MCTP2: variants seen among roughly 807,000 people sequenced by gnomAD.
The protein encoded by MCTP2 is multiple C2 and transmembrane domain containing 2, also known as multiple C2 and transmembrane domain-containing protein 2.
In MCTP2, 132 loss-of-function variants were observed where a neutral mutation model predicts 111.6. The ratio of observed to expected loss-of-function variants is 1.18; its 90% confidence interval spans 1.03 to 1.37. MCTP2 has a LOEUF of 1.37. Ranked by LOEUF, MCTP2 falls within the 40% of genes most tolerant of loss-of-function variation. The probability of loss-of-function intolerance (pLI) is 0.00; values close to 1 mark genes in which losing one functional copy is unlikely to be tolerated. For synonymous variants in MCTP2, 395 were observed against 387.7 expected (o/e 1.02, Z -0.22); for missense variants, 1,183 against 1,067.9 (o/e 1.11, Z -1.50).
chr15:94,285,833 C>T (rs765091997), intron 1 of MCTP2, among the ~76,000 whole-genome samples: 4 of 152,162 alleles, frequency 2.6e-5, no homozygotes, highest in Non-Finnish European at 5.9e-5. Context: ...TAGTCATTAA[C>T]CAGAGAAGAT....
chr15:94,242,607 G>C (rs964362994), intron 1 of MCTP2, among the ~76,000 whole-genome samples: 2 of 151,992 alleles, frequency 1.3e-5, no homozygotes, highest in South Asian at 2.1e-4. Context: ...TTTTGGGCCA[G>C]TAACAATTTT....
At chr15:94,251,960 C>T (rs1255493444) in intron 1 of MCTP2, among the ~76,000 whole-genome samples, 12 of 152,266 alleles carry the variant, frequency 7.9e-5, no homozygotes, top group Admixed American at 3.3e-4. Context: ...TAGCAATTGC[C>T]AGAATTTCCT....
chr15:94,249,547 G>C (rs1241245117), intron 1 of MCTP2, among the ~76,000 whole-genome samples: 2 of 151,110 alleles, frequency 1.3e-5, no homozygotes, highest in Middle Eastern at 3.2e-3. Context: ...GTGCAGTGGC[G>C]CGATCTCAGC....
chr15:94,276,814 C>T (rs1318440322), intron 1 of MCTP2, among the ~76,000 whole-genome samples: 1 of 144,992 alleles, frequency 6.9e-6, no homozygotes, highest in African/African-American at 2.6e-5. Flanking sequence ...CAGCACTTGT[C>T]CATCTTAAGA....
At chr15:94,456,078 A>C (rs184798170) in intron 19 of MCTP2, among the ~76,000 whole-genome samples, 55 of 152,366 alleles carry the variant, frequency 3.6e-4, no homozygotes, top group African/African-American at 1.2e-3. Flanking sequence ...AATAAAACCA[A>C]GTTATCAGTC....
At chr15:94,346,084 G>A (rs2077964959) in intron 8 of MCTP2, among the ~76,000 whole-genome samples, 1 of 152,006 alleles carries the variant, frequency 6.6e-6, no homozygotes, top group Non-Finnish European at 1.5e-5. Context: ...CTTGAAACTG[G>A]GGCCACTGCC....
rs894813538 is a variant in MCTP2, at chr15:94,440,191, G to A, written c.2101G>A (p.Val701Ile). 6 of 1,613,770 alleles carry A rather than the reference G, an allele frequency of 3.7e-6. No individual in the cohort carries two copies. The highest frequency in any genetic ancestry group is 1.1e-5 in the South Asian group (1 of 91,046). Residue 701 changes from valine (V) to isoleucine (I), a missense_variant, in exon 18 of 23, where the codon GTC (valine) becomes ATC (isoleucine). Physicochemically the swap from Val to Ile is conservative, Grantham distance 29. Coordinates refer to ENST00000357742, the MANE Select transcript of MCTP2 (RefSeq NM_001385001.1). ...TIAFAVFLIT[V>I]WNFELYMIPL... ...TTTCAATCAGGTATTTTTGATCACTGTCTGGAATTTTGAACTATATATGAT... is the reference window on the plus strand; with the variant it reads ...TTTCAATCAGGTATTTTTGATCACTATCTGGAATTTTGAACTATATATGAT...
chr15:94,253,143 TG>T (rs554802261), intron 1 of MCTP2, among the ~76,000 whole-genome samples: 319 of 152,318 alleles, frequency 2.1e-3, no homozygotes, highest in African/African-American at 7.3e-3. Flanking sequence ...ATTATTCCTG[TG>T]GTTCAGCACC....
intron 21 of MCTP2, among the ~76,000 whole-genome samples, chr15:94,474,675 A>G (rs2074203780): frequency 6.6e-6 from 1 of 152,156 alleles, no homozygotes; most frequent in South Asian, 2.1e-4. Flanking sequence ...CCTGACCAAC[A>G]TGGCGAAACC....
chr15:94,399,911 T>A lies in MCTP2; in HGVS notation c.1891-10T>A. ...ATGCTGCCCTTTTTTAACAAGGATGTCTTTTCTAGGTGAAAGCAAGTATTA... is the reference window on the plus strand; with the variant it reads ...ATGCTGCCCTTTTTTAACAAGGATGACTTTTCTAGGTGAAAGCAAGTATTA... On this transcript the variant is annotated splice_polypyrimidine_tract_variant and intron_variant, in intron 15 of 22. Coordinates refer to ENST00000357742, the MANE Select transcript of MCTP2 (RefSeq NM_001385001.1). 1 of 1,613,248 alleles carries A rather than the reference T, an allele frequency of 6.2e-7. No individual in the cohort carries two copies. Among genetic ancestry groups the A allele is most frequent in the Admixed American group, 1.7e-5 (1 of 60,008 alleles).
intron 1 of MCTP2, among the ~76,000 whole-genome samples, chr15:94,264,314 A>G (rs2073377398): frequency 6.6e-6 from 1 of 152,104 alleles, no homozygotes. Context: ...GTATAATAAT[A>G]TTGTCCACTT....
At chr15:94,444,013 T>TA (rs2083976974) in intron 19 of MCTP2, among the ~76,000 whole-genome samples, 1 of 103,488 alleles carries the variant, frequency 9.7e-6, no homozygotes, top group Non-Finnish European at 1.9e-5. Flanking sequence ...AAAACAGAAG[T>TA]ATTAGTGAAA....
intron 17 of MCTP2, chr15:94,403,328 C>A: frequency 1.2e-6 from 1 of 844,726 alleles, no homozygotes; most frequent in Non-Finnish European, 1.4e-6. Context: ...CAGCTGGTGG[C>A]TTCATGCGTT....
intron 17 of MCTP2, among the ~76,000 whole-genome samples, chr15:94,412,238 C>G (rs898960555): frequency 6.6e-6 from 1 of 151,620 alleles, no homozygotes. Context: ...TTTGAAATTA[C>G]GGTTTTAGTT....
rs758170026 is a variant in MCTP2, at chr15:94,384,055, G to A, written c.1616G>A (p.Gly539Asp). 6.2e-7 allele frequency: 1 copy of A among 1,613,830 alleles called. No homozygotes were observed. Among genetic ancestry groups the A allele is most frequent in the East Asian group, 2.2e-5 (1 of 44,806 alleles). Residue 539 changes from glycine to aspartate, a missense_variant, in exon 13 of 23, where the codon GGC becomes GAC. By Grantham distance (94) the Gly-to-Asp change is moderately conservative (BLOSUM62 -1). Coordinates refer to ENST00000357742, the MANE Select transcript of MCTP2 (RefSeq NM_001385001.1). ...KSDPFCLLEL[G>D]NDRLQTHTVY... ...GACCCATTTTGCTTGTTGGAGTTAG[G>A]CAATGACCGACTTCAGACGCATACC...
chr15:94,312,601 A>G (rs183899654), intron 2 of MCTP2, among the ~76,000 whole-genome samples: 81 of 152,322 alleles, frequency 5.3e-4, no homozygotes, highest in Non-Finnish European at 1.5e-4. Flanking sequence ...ATTAACCTGA[A>G]CTGAACACAG....
At chr15:94,397,490 T>C (rs1276034704) in intron 14 of MCTP2, among the ~76,000 whole-genome samples, 1 of 152,218 alleles carries the variant, frequency 6.6e-6, no homozygotes, top group Non-Finnish European at 1.5e-5. Flanking sequence ...ACATCCACAA[T>C]TTATTAAGTG....
intron 1 of MCTP2, among the ~76,000 whole-genome samples, chr15:94,294,030 G>C (rs998809554): frequency 6.6e-6 from 1 of 152,148 alleles, no homozygotes; most frequent in Non-Finnish European, 1.5e-5. Context: ...ACTACTGTCA[G>C]CAACAAAAAG....
chr15:94,339,383 A>T lies in MCTP2; in HGVS notation c.731A>T (p.Glu244Val). 1 of 1,611,878 alleles carries T rather than the reference A, an allele frequency of 6.2e-7. No homozygotes were observed. Among genetic ancestry groups the T allele is most frequent in the Non-Finnish European group, 8.5e-7 (1 of 1,178,752 alleles). The stretch of plus-strand genomic sequence containing the variant: ...AAGAACTTGAACCCAGTATGGGATG[A>T]GATAGTTGTATTGCCAATCCAAAGC... ...IYKNLNPVWD[E>V]IVVLPIQSLD... Residue 244 changes from glutamate to valine, a missense_variant, in exon 5 of 23, where the codon GAG becomes GTG. By Grantham distance (121) the Glu-to-Val change is moderately radical (BLOSUM62 -2). Transcript: ENST00000357742.
Sources: allele counts gnomAD v4.1 joint callset (sites outside exome capture counted in the v4.1 genomes callset), GRCh38; gene constraint gnomAD v4.1.1; transcripts MANE v1.5; gene names NCBI Gene and HGNC (gene_info 2026-07-23, HGNC 2026-07-21).